The following CPNE4 variants were observed in gnomAD, a reference collection of about 807,000 sequenced individuals.
The protein encoded by CPNE4 is copine-4.
A neutral mutation model predicts 67.9 loss-of-function variants in CPNE4; 25 were observed. The observed-to-expected ratio is 0.37, with a 90% CI of 0.27 to 0.51. The LOEUF (loss-of-function observed/expected upper bound fraction) is 0.51. Among genes scored for constraint, CPNE4 ranks in the 20% least tolerant of loss-of-function variants. CPNE4 has a pLI of 0.93. For synonymous variants in CPNE4, 242 were observed against 244.9 expected (o/e 0.99, Z 0.11); for missense variants, 464 against 690.8 (o/e 0.67, Z 3.68).
chr3:131,601,291 G>T (rs1995422), intron 7 of CPNE4, among the ~76,000 whole-genome samples: 6 of 152,166 alleles, frequency 3.9e-5, no homozygotes, highest in South Asian at 2.1e-4. Flanking sequence ...ACACACACAC[G>T]TTTTTTTATC....
intron 2 of CPNE4, among the ~76,000 whole-genome samples, chr3:131,728,399 C>A (rs1295000249): frequency 6.6e-6 from 1 of 152,136 alleles, no homozygotes; most frequent in Non-Finnish European, 1.5e-5. Flanking sequence ...GCTCCAGAAC[C>A]TGTGTGTTTA....
intron 10 of CPNE4, among the ~76,000 whole-genome samples, chr3:131,568,251 G>C (rs1937160307): frequency 6.6e-6 from 1 of 152,024 alleles, no homozygotes; most frequent in African/African-American, 2.4e-5. Flanking sequence ...TGAAGCTGGA[G>C]ATAAAATATC....
At chr3:131,789,049 G>T (rs2083643168) in intron 2 of CPNE4, among the ~76,000 whole-genome samples, 1 of 151,378 alleles carries the variant, frequency 6.6e-6, no homozygotes, top group Non-Finnish European at 1.5e-5. Context: ...GAGAGAGAGA[G>T]AGAGAGAGAG....
At position 131,722,826 on chromosome 3, in the gene CPNE4, A is replaced by C. The variant is rs576468302; in HGVS notation, c.360+620T>G. 1.4e-3 allele frequency among the ~76,000 whole-genome samples: 218 copies of C among 152,362 alleles called. 1 individual carries two copies. Among genetic ancestry groups the C allele is most frequent in the African/African-American group, 5.0e-3 (207 of 41,588 alleles). On this transcript the variant is annotated intron_variant, in intron 3 of 15. Transcript: ENST00000429747. ...AAGCAAAATGATGAAGTTTAGAGTC[A>C]GGAAGACCTAGTAGAGTCCTAACAC...
intron 2 of CPNE4, among the ~76,000 whole-genome samples, chr3:131,728,655 A>C (rs2082055401): frequency 6.6e-6 from 1 of 152,084 alleles, no homozygotes; most frequent in South Asian, 2.1e-4. Context: ...TCACGCCTAT[A>C]ATCCCAGCAC....
intron 15 of CPNE4, chr3:131,538,688 A>AACTT (rs1935311156): frequency 6.6e-6 from 1 of 152,242 alleles, no homozygotes; most frequent in Admixed American, 6.5e-5. Flanking sequence ...ATGTGCTGGG[A>AACTT]ACTTAATGAT....
intron 2 of CPNE4, among the ~76,000 whole-genome samples, chr3:131,753,274 A>G (rs1560242144): frequency 6.6e-6 from 1 of 151,926 alleles, no homozygotes; most frequent in Non-Finnish European, 1.5e-5. Flanking sequence ...AAGCATGTCT[A>G]GAGACCGTAA....
chr3:131,566,248 T>C (rs1937051092), intron 10 of CPNE4, among the ~76,000 whole-genome samples: 2 of 151,978 alleles, frequency 1.3e-5, no homozygotes, highest in Non-Finnish European at 2.9e-5. Context: ...GAATAAACTC[T>C]TCGTGACCAA....
chr3:131,535,078 C>A lies in CPNE4; in HGVS notation c.*117G>T. On this transcript the variant is annotated 3_prime_UTR_variant, in exon 16 of 16. Coordinates refer to ENST00000429747, the MANE Select transcript of CPNE4 (RefSeq NM_130808.3). ...GATAGTTAAAAATCACCAAAACGTG[C>A]TATTTTTAAATGTGTATATGTTGTT... The A allele has an allele frequency of 9.1e-7, 1 of 1,095,764 alleles. No individual in the cohort carries two copies. Among genetic ancestry groups the A allele is most frequent in the Non-Finnish European group, 1.3e-6 (1 of 796,066 alleles). 67.9% of individuals were successfully genotyped at this position (1,095,764 alleles called of 1,614,324 possible).
chr3:131,653,547 A>T (rs2107628150), intron 7 of CPNE4, among the ~76,000 whole-genome samples: 1 of 152,262 alleles, frequency 6.6e-6, no homozygotes, highest in East Asian at 1.9e-4. Context: ...AAATCCAAAT[A>T]TGACCACATC....
In CPNE4 at chr3:132,024,224, C is replaced by T. The variant is rs534955123; in HGVS notation, c.-2+10343G>A. ...TCAGCCACCTGAGTAGCTGGAATTA[C>T]AGGCACACACCACCACGCCGGGCTA... On this transcript the variant is annotated intron_variant, in intron 1 of 15. Transcript: ENST00000429747. Among the ~76,000 whole-genome samples, 61 of 152,044 alleles carry T rather than the reference C, an allele frequency of 4.0e-4. 1 individual carries two copies. Among genetic ancestry groups the T allele is most frequent in the African/African-American group, 1.4e-3 (58 of 41,484 alleles).
intron 2 of CPNE4, among the ~76,000 whole-genome samples, chr3:131,739,748 T>C (rs902826091): frequency 6.6e-6 from 1 of 152,380 alleles, no homozygotes; most frequent in Non-Finnish European, 1.5e-5. Context: ...ACAAGGTAGA[T>C]ACAATCAATA....
chr3:131,775,038 A>C (rs1369032614), intron 2 of CPNE4, among the ~76,000 whole-genome samples: 2 of 152,092 alleles, frequency 1.3e-5, no homozygotes, highest in Non-Finnish European at 1.5e-5. Flanking sequence ...CTTTTAACTG[A>C]TCTGGTCTAA....
At chr3:131,802,307 A>G (rs1224561780) in intron 2 of CPNE4, among the ~76,000 whole-genome samples, 1 of 152,184 alleles carries the variant, frequency 6.6e-6, no homozygotes, top group African/African-American at 2.4e-5. Context: ...GAAGTCTGCA[A>G]CTTAAAGTCT....
intron 2 of CPNE4, among the ~76,000 whole-genome samples, chr3:131,792,659 A>G (rs1229737868): frequency 1.4e-4 from 9 of 62,898 alleles, no homozygotes; most frequent in African/African-American, 4.3e-4. Context: ...ATATATACAC[A>G]CGTGTATATA....
At chr3:131,801,336 C>CATATAT (rs148213976) in intron 2 of CPNE4, among the ~76,000 whole-genome samples, 3 of 122,854 alleles carry the variant, frequency 2.4e-5, no homozygotes, top group South Asian at 5.2e-4. Context: ...GGAAACCATA[C>CATATAT]ATATATATAT....
intron 2 of CPNE4, among the ~76,000 whole-genome samples, chr3:131,732,340 C>T (rs1036808604): frequency 2.6e-5 from 4 of 152,188 alleles, no homozygotes; most frequent in Non-Finnish European, 5.9e-5. Context: ...ATTTGTGAAA[C>T]AAGAGTTAGT....
chr3:131,559,992 A>AT (rs965864250), intron 11 of CPNE4, among the ~76,000 whole-genome samples: 7 of 152,146 alleles, frequency 4.6e-5, no homozygotes, highest in South Asian at 2.1e-4. Flanking sequence ...ACATTTTAAT[A>AT]TTTTTTTTAA....
intron 1 of CPNE4, among the ~76,000 whole-genome samples, chr3:131,907,245 C>T (rs192941867): frequency 2.4e-4 from 37 of 152,240 alleles, no homozygotes; most frequent in Admixed American, 2.1e-3. Flanking sequence ...CAATACCTTG[C>T]TTATGGAATT....
Sources: gnomAD v4.1 joint callset for allele counts (sites outside exome capture counted in the v4.1 genomes callset) on GRCh38, gnomAD v4.1.1 for gene constraint, MANE v1.5 for transcripts, NCBI Gene and HGNC (gene_info 2026-07-23, HGNC 2026-07-21) for gene names.